Variants in GULP1 observed in about 807,000 individuals in gnomAD.
GULP1 encodes the protein PTB domain-containing engulfment adapter protein 1.
GULP1 carries 19 observed loss-of-function variants against 40.9 expected under a neutral mutation model. The observed-to-expected ratio is 0.46, with a 90% CI of 0.32 to 0.68. The LOEUF (loss-of-function observed/expected upper bound fraction) is 0.68. Ranked by LOEUF, GULP1 falls within the 30% of genes least tolerant of loss-of-function variation. The pLI is 0.03. For missense variants in GULP1, 312 were observed against 362.2 expected (o/e 0.86, Z 1.12); for synonymous variants, 119 against 117.6 (o/e 1.01, Z -0.08).
chr2:188,382,742 C>T (rs574806748), intron 1 of GULP1, among the ~76,000 whole-genome samples: 41 of 152,120 alleles, frequency 2.7e-4, no homozygotes, highest in African/African-American at 9.2e-4. Context: ...AAAAATTAGC[C>T]GGGCATGATG....
chr2:188,523,209 C>T (rs527784314), intron 5 of GULP1, among the ~76,000 whole-genome samples: 1 of 152,036 alleles, frequency 6.6e-6, no homozygotes, highest in African/African-American at 2.4e-5. Flanking sequence ...ATATAATATC[C>T]ACCAGTTAAA....
chr2:188,593,856 A>T (rs931179338), intron 11 of GULP1, 84 bp from the exon 12 acceptor site: 1 of 772,106 alleles, frequency 1.3e-6, no homozygotes, highest in South Asian at 1.6e-5. Flanking sequence ...GAATATTTCA[A>T]CTTTAGTGCA....
At chr2:188,387,510 A>G (rs761892662) in intron 2 of GULP1, among the ~76,000 whole-genome samples, 13 of 152,214 alleles carry the variant, frequency 8.5e-5, no homozygotes, top group Non-Finnish European at 1.5e-4. Flanking sequence ...AGTAGGCTGT[A>G]TTAAGTGACA....
At chr2:188,303,191 G>T (rs2036452029) in intron 1 of GULP1, among the ~76,000 whole-genome samples, 1 of 152,230 alleles carries the variant, frequency 6.6e-6, no homozygotes, top group Admixed American at 6.5e-5. Context: ...ATGCATATTG[G>T]TTTTTGTAAT....
chr2:188,533,042 T>C lies in GULP1; in HGVS notation c.261+3847T>C. Among the ~76,000 whole-genome samples, 2 of 152,222 alleles carry C rather than the reference T, an allele frequency of 1.3e-5. 1 individual carries two copies. Among genetic ancestry groups the C allele is most frequent in the Non-Finnish European group, 2.9e-5 (2 of 68,038 alleles). ...TTCCTGACCACTTGAAGAAGAAACC[T>C]ACCTTTATGAAACCCAATTGACCAA... On this transcript the variant is annotated intron_variant, in intron 6 of 11. Coordinates refer to ENST00000409830, the MANE Select transcript of GULP1 (RefSeq NM_016315.4).
At chr2:188,522,924 TA>T (rs1685213164) in intron 5 of GULP1, 97 bp downstream of exon 5, 1 of 748,800 alleles carries the variant, frequency 1.3e-6, no homozygotes, top group Non-Finnish European at 2.4e-6. Flanking sequence ...TTGCTGCAGG[TA>T]TAGCTTCACC....
At chr2:188,466,863 A>G (rs553455398) in intron 2 of GULP1, among the ~76,000 whole-genome samples, 2 of 152,194 alleles carry the variant, frequency 1.3e-5, no homozygotes, top group South Asian at 2.1e-4. Flanking sequence ...ACTCACCGCT[A>G]TACTAATAAG....
chr2:188,480,759 AAAG>A, intron 3 of GULP1, among the ~76,000 whole-genome samples: 1 of 151,968 alleles, frequency 6.6e-6, no homozygotes, highest in South Asian at 2.1e-4. Flanking sequence ...ATTAAGTAAA[AAAG>A]TATAAAAATA....
At chr2:188,405,432 C>G (rs530865753) in intron 2 of GULP1, among the ~76,000 whole-genome samples, 2 of 152,296 alleles carry the variant, frequency 1.3e-5, no homozygotes, top group Admixed American at 6.5e-5. Flanking sequence ...AGGCCCAGCC[C>G]TATGGACTGA....
chr2:188,533,838 C>G (rs1196115553), intron 6 of GULP1, among the ~76,000 whole-genome samples: 1 of 152,022 alleles, frequency 6.6e-6, no homozygotes, highest in African/African-American at 2.4e-5. Flanking sequence ...GGAACAGGCC[C>G]TTCTCAAAAG....
intron 1 of GULP1, among the ~76,000 whole-genome samples, chr2:188,361,648 A>G (rs1456625305): frequency 6.6e-6 from 1 of 152,072 alleles, no homozygotes; most frequent in Non-Finnish European, 1.5e-5. Context: ...CCTAAACCAA[A>G]TTGAGGTAAT....
chr2:188,555,186 T>C (rs1694436718), intron 7 of GULP1, among the ~76,000 whole-genome samples: 1 of 152,200 alleles, frequency 6.6e-6, no homozygotes, highest in Admixed American at 6.5e-5. Flanking sequence ...ATATTGTTAA[T>C]TGTTTTCTGG....
At position 188,584,356 on chromosome 2, in the gene GULP1, G is replaced by T. The variant is rs748933734; in HGVS notation, c.701G>T (p.Arg234Leu). The T allele has an allele frequency of 6.2e-7, 1 of 1,606,044 alleles. No homozygotes were observed. The highest frequency in any genetic ancestry group is 8.5e-7 in the Non-Finnish European group (1 of 1,173,142). The change falls in exon 10 of 12, where the codon CGC becomes CTC. Residue 234 changes from arginine to leucine, a missense_variant. Physicochemically the swap from Arg to Leu is moderately radical, Grantham distance 102 (BLOSUM62 -2). Coordinates refer to ENST00000409830, the MANE Select transcript of GULP1 (RefSeq NM_016315.4). ...PISHQSSMPT[R>L]NGTQPPPVPS... The stretch of plus-strand genomic sequence containing the variant: ...TCACACCAGTCTTCGATGCCTACTC[G>T]CAATGGCACACAGCCACCTCCAGTA...
chr2:188,457,842 A>G (rs941640547), intron 2 of GULP1, among the ~76,000 whole-genome samples: 1 of 152,184 alleles, frequency 6.6e-6, no homozygotes, highest in African/African-American at 2.4e-5. Context: ...GCATTCCCTC[A>G]TACAACCATG....
At chr2:188,458,636 T>C (rs2059460146) in intron 2 of GULP1, among the ~76,000 whole-genome samples, 1 of 152,172 alleles carries the variant, frequency 6.6e-6, no homozygotes, top group African/African-American at 2.4e-5. Context: ...TTATGGAAAA[T>C]AGGCTATCCA....
chr2:188,565,074 A>C (rs1697320807), intron 7 of GULP1, among the ~76,000 whole-genome samples: 1 of 151,996 alleles, frequency 6.6e-6, no homozygotes, highest in South Asian at 2.1e-4. Flanking sequence ...TAAAAGTAGA[A>C]GCTTTTGTAA....
At chr2:188,297,584 A>C (rs578130779) in intron 1 of GULP1, 1 of 428,746 alleles carries the variant, frequency 2.3e-6, no homozygotes, top group South Asian at 1.7e-5. Flanking sequence ...TCCTGGGGGA[A>C]CCATGGATGG....
chr2:188,330,939 TAAG>T (rs926375481), intron 1 of GULP1, among the ~76,000 whole-genome samples: 3 of 152,172 alleles, frequency 2.0e-5, no homozygotes, highest in African/African-American at 7.2e-5. Flanking sequence ...TTAGTGCTAC[TAAG>T]AAGATGTTTT....
intron 1 of GULP1, among the ~76,000 whole-genome samples, chr2:188,317,980 G>T (rs998479352): frequency 6.6e-6 from 1 of 151,986 alleles, no homozygotes; most frequent in Non-Finnish European, 1.5e-5. Context: ...TTTAGTGTCA[G>T]CCAAAATTTC....
Sources: allele counts gnomAD v4.1 joint callset (sites outside exome capture counted in the v4.1 genomes callset), GRCh38; gene constraint gnomAD v4.1.1; transcripts MANE v1.5; gene names NCBI Gene and HGNC (gene_info 2026-07-23, HGNC 2026-07-21).